Variants in PARP11 observed in about 807,000 individuals in gnomAD.
PARP11 encodes protein mono-ADP-ribosyltransferase PARP11.
PARP11 carries 31 observed loss-of-function variants against 42.9 expected under a neutral mutation model. The observed-to-expected ratio is 0.72, with a 90% CI of 0.54 to 0.98. PARP11 has a LOEUF of 0.98. PARP11 is among the 50% of genes least tolerant of loss of function. PARP11 has a pLI of 0.00. For missense variants in PARP11, 365 were observed against 413.1 expected (o/e 0.88, Z 1.01); for synonymous variants, 137 against 127.3 (o/e 1.08, Z -0.51).
At chr12:3,862,280 C>T (rs1443089935) in intron 1 of PARP11, among the ~76,000 whole-genome samples, 1 of 151,880 alleles carries the variant, frequency 6.6e-6, no homozygotes, top group Non-Finnish European at 1.5e-5. Flanking sequence ...TAGCAAAACC[C>T]CATCTCTACA....
chr12:3,810,680 AAG>A lies in PARP11; in HGVS notation c.*1441_*1442del, dbSNP rs1947153888. On this transcript the variant is annotated 3_prime_UTR_variant, in exon 8 of 8. Transcript: ENST00000228820. ...GAAGGAAGGAAGGAAGGAAGGAAGG[AAG>A]GAAAGAAAGAAGGAAGGAAGAGAGA... 1.4e-5 allele frequency: 2 copies of A among 146,092 alleles called. No homozygotes were observed. The highest frequency in any genetic ancestry group is 3.0e-5 in the Non-Finnish European group (2 of 66,996). The allele number at this position is 146,092 out of a possible 1,614,324, so 9.0% of individuals were successfully genotyped here.
At chr12:3,854,535 G>C (rs1466142054) in intron 1 of PARP11, among the ~76,000 whole-genome samples, 1 of 152,124 alleles carries the variant, frequency 6.6e-6, no homozygotes, top group East Asian at 1.9e-4. Context: ...AGAAAATCTA[G>C]AAGAAATAGA....
intron 6 of PARP11, chr12:3,814,897 CAA>C (rs1947255183): frequency 7.7e-6 from 2 of 261,242 alleles, no homozygotes; most frequent in African/African-American, 4.4e-5. Context: ...AAGAATTTTG[CAA>C]AAAGAGATAG....
chr12:3,868,918 C>A (rs1948432256), intron 1 of PARP11, among the ~76,000 whole-genome samples: 1 of 152,216 alleles, frequency 6.6e-6, no homozygotes, highest in Non-Finnish European at 1.5e-5. Context: ...AGAAATCTTA[C>A]ATGCATCTCA....
chr12:3,848,127 A>C (rs1948034576), intron 1 of PARP11, among the ~76,000 whole-genome samples: 1 of 152,174 alleles, frequency 6.6e-6, no homozygotes, highest in Non-Finnish European at 1.5e-5. Context: ...TCTATACAGG[A>C]AAAACTATAA....
chr12:3,830,109 G>A, intron 1 of PARP11, 91 bp from the exon 2 acceptor site: 1 of 1,151,938 alleles, frequency 8.7e-7, no homozygotes. Flanking sequence ...ACAAAGAGTG[G>A]TATTCAAGTG....
intron 1 of PARP11, among the ~76,000 whole-genome samples, chr12:3,833,288 A>C (rs1228069179): frequency 1.3e-5 from 2 of 152,184 alleles, no homozygotes; most frequent in Admixed American, 1.3e-4. Flanking sequence ...GCTCAGTGGA[A>C]CTGGCAAAAC....
chr12:3,821,252 A>C (rs1306690580), intron 6 of PARP11, among the ~76,000 whole-genome samples: 7 of 152,222 alleles, frequency 4.6e-5, no homozygotes. Context: ...ATTTCAGAGA[A>C]CCGCTTATTT....
chr12:3,864,803 T>TGA (rs1948361237), intron 1 of PARP11, among the ~76,000 whole-genome samples: 1 of 152,190 alleles, frequency 6.6e-6, no homozygotes. Context: ...TTTCTCCTGA[T>TGA]CTGCTGGGCT....
intron 6 of PARP11, among the ~76,000 whole-genome samples, chr12:3,821,428 A>G (rs1947389269): frequency 6.6e-6 from 1 of 152,254 alleles, no homozygotes; most frequent in Admixed American, 6.5e-5. Flanking sequence ...AAATCTACAA[A>G]ATAAACTTTA....
At chr12:3,853,243 C>G (rs1044808561) in intron 1 of PARP11, among the ~76,000 whole-genome samples, 1 of 152,120 alleles carries the variant, frequency 6.6e-6, no homozygotes, top group Admixed American at 6.5e-5. Flanking sequence ...GCAAAATAAC[C>G]AACTAACATC....
chr12:3,822,043 C>T (rs1253646603), intron 5 of PARP11, 40 bp from the exon 6 acceptor site: 1 of 1,609,118 alleles, frequency 6.2e-7, no homozygotes, highest in Non-Finnish European at 8.5e-7. Flanking sequence ...GCAGTCATTT[C>T]CGGTTTCTTT....
At chr12:3,837,215 C>T (rs1017327499) in intron 1 of PARP11, among the ~76,000 whole-genome samples, 2 of 152,184 alleles carry the variant, frequency 1.3e-5, no homozygotes, top group African/African-American at 4.8e-5. Context: ...GCCAGGATAA[C>T]CTCTCTGGTA....
intron 5 of PARP11, 35 bp from the exon 6 acceptor site, chr12:3,822,038 C>T (rs768768098): frequency 3.1e-6 from 5 of 1,609,038 alleles, no homozygotes; most frequent in Non-Finnish European, 4.2e-6. Flanking sequence ...TTACTGCAGT[C>T]ATTTCCGGTT....
chr12:3,836,546 C>T (rs563422665), intron 1 of PARP11, among the ~76,000 whole-genome samples: 9 of 152,186 alleles, frequency 5.9e-5, no homozygotes, highest in African/African-American at 1.9e-4. Context: ...AAGAAAAGAG[C>T]GCTGGTAAAA....
chr12:3,841,602 C>T, intron 1 of PARP11: 1 of 1,612,774 alleles, frequency 6.2e-7, no homozygotes, highest in Admixed American at 1.7e-5. Flanking sequence ...AATTGTCTTA[C>T]CAGGCTGATC....
chr12:3,822,598 C>CA (rs36089402), intron 4 of PARP11, among the ~76,000 whole-genome samples: 3,517 of 93,110 alleles, frequency 0.038, 63 homozygotes, highest in Non-Finnish European at 0.051. Flanking sequence ...GACTCCGTCT[C>CA]AAAAAAAAAA....
chr12:3,842,246 AGAAAAT>A, intron 1 of PARP11: 2 of 1,605,602 alleles, frequency 1.2e-6, no homozygotes, highest in South Asian at 1.1e-5. Context: ...AAGAGAGTTC[AGAAAAT>A]GAAAATGAAG....
chr12:3,818,009 T>G (rs367788775), intron 6 of PARP11, among the ~76,000 whole-genome samples: 14 of 152,348 alleles, frequency 9.2e-5, no homozygotes, highest in African/African-American at 1.4e-4. Flanking sequence ...TCTTATTTCC[T>G]TGCTGCCTTA....
Sources: allele counts gnomAD v4.1 joint callset (sites outside exome capture counted in the v4.1 genomes callset), GRCh38; gene constraint gnomAD v4.1.1; transcripts MANE v1.5; gene names NCBI Gene and HGNC (gene_info 2026-07-23, HGNC 2026-07-21).